The following KAZN variants were observed in gnomAD, a reference collection of about 807,000 sequenced individuals.
The protein encoded by KAZN is kazrin, periplakin interacting protein, also known as kazrin.
In KAZN, 40 loss-of-function variants were observed where a neutral mutation model predicts 87.4. That is an observed-to-expected ratio of 0.46 (90% CI 0.36 to 0.60). The LOEUF (loss-of-function observed/expected upper bound fraction) is 0.60. Ranked by LOEUF, KAZN falls within the 20% of genes least tolerant of loss-of-function variation. The pLI is 0.00. For synonymous variants in KAZN, 466 were observed against 458.3 expected, an observed-to-expected ratio of 1.02 and a Z score of -0.22; for missense variants, 898 against 1,073.9, an observed-to-expected ratio of 0.84 and a Z score of 2.29.
chr1:14,113,370 A>T (rs955976317), intron 1 of KAZN, among the ~76,000 whole-genome samples: 1 of 152,196 alleles, frequency 6.6e-6, no homozygotes, highest in African/African-American at 2.4e-5. Flanking sequence ...GTCACACCAC[A>T]TTCTCAGCTG....
intron 2 of KAZN, among the ~76,000 whole-genome samples, chr1:14,584,786 AG>A (rs1675755646): frequency 6.6e-6 from 1 of 152,144 alleles, no homozygotes; most frequent in African/African-American, 2.4e-5. Context: ...CTGGGATTAC[AG>A]GCATGCACCA....
chr1:14,014,776 G>A (rs1443058883), intron 1 of KAZN, among the ~76,000 whole-genome samples: 2 of 152,196 alleles, frequency 1.3e-5, no homozygotes, highest in Non-Finnish European at 2.9e-5. Flanking sequence ...GTGAGAAAGT[G>A]GAGCCCTGTT....
chr1:14,877,866 T>C (rs926181576), intron 1 of KAZN, among the ~76,000 whole-genome samples: 2 of 152,210 alleles, frequency 1.3e-5, no homozygotes, highest in Non-Finnish European at 2.9e-5. Context: ...ATACTTTCAT[T>C]AATTCCACAA....
At chr1:14,805,192 G>C (rs1031718119) in intron 1 of KAZN, among the ~76,000 whole-genome samples, 2 of 152,174 alleles carry the variant, frequency 1.3e-5, no homozygotes, top group African/African-American at 4.8e-5. Flanking sequence ...TTCTGTGAGA[G>C]TCCAGAGGAG....
At chr1:14,660,511 C>A (rs192148234) in intron 1 of KAZN, among the ~76,000 whole-genome samples, 45 of 120,110 alleles carry the variant, frequency 3.7e-4, no homozygotes, top group African/African-American at 1.0e-3. Flanking sequence ...TGAAAATATT[C>A]TTTATCTCTC....
chr1:14,539,737 C>T (rs544264685), intron 2 of KAZN, among the ~76,000 whole-genome samples: 11 of 151,744 alleles, frequency 7.2e-5, no homozygotes, highest in South Asian at 4.2e-4. Flanking sequence ...AAACGCCAGA[C>T]GTTTTTAGGC....
chr1:14,776,475 A>C (rs1412964133), intron 1 of KAZN, among the ~76,000 whole-genome samples: 1 of 152,220 alleles, frequency 6.6e-6, no homozygotes, highest in African/African-American at 2.4e-5. Flanking sequence ...AGCGCTCTTC[A>C]TCCAGGCTGG....
intron 8 of KAZN, among the ~76,000 whole-genome samples, chr1:15,088,148 TC>T (rs1640353316): frequency 6.6e-6 from 1 of 152,184 alleles, no homozygotes; most frequent in Admixed American, 6.5e-5. Context: ...TCTCAACGTC[TC>T]AACTCTGCCA....
chr1:14,698,713 C>T (rs1005639153), intron 1 of KAZN, among the ~76,000 whole-genome samples: 75 of 152,340 alleles, frequency 4.9e-4, no homozygotes, highest in Admixed American at 1.5e-3. Context: ...GCCTCCTCAG[C>T]GCCAGCACCA....
intron 2 of KAZN, among the ~76,000 whole-genome samples, chr1:14,236,353 T>C (rs1270922983): frequency 6.6e-6 from 1 of 152,190 alleles, no homozygotes; most frequent in Non-Finnish European, 1.5e-5. Flanking sequence ...CCCCTCTTCC[T>C]AGTCCAACAT....
At chr1:14,672,859 A>G (rs1181845470) in intron 1 of KAZN, among the ~76,000 whole-genome samples, 3 of 152,142 alleles carry the variant, frequency 2.0e-5, no homozygotes, top group Non-Finnish European at 4.4e-5. Flanking sequence ...TGGGCACAGG[A>G]TAGGGCTACC....
chr1:14,001,761 T>TA (rs1461846042), intron 1 of KAZN, among the ~76,000 whole-genome samples: 4 of 152,340 alleles, frequency 2.6e-5, no homozygotes, highest in African/African-American at 7.2e-5. Context: ...AAGGATCTCC[T>TA]ATTCAATAAA....
At chr1:14,834,170 G>A (rs573971319) in intron 1 of KAZN, among the ~76,000 whole-genome samples, 2 of 151,920 alleles carry the variant, frequency 1.3e-5, no homozygotes, top group African/African-American at 4.8e-5. Context: ...TGAGTAGCTA[G>A]GGTTGCAGTC....
intron 1 of KAZN, among the ~76,000 whole-genome samples, chr1:14,652,480 C>CACCCACCT (rs1354577997): frequency 1.4e-5 from 1 of 69,028 alleles, no homozygotes. Context: ...CCCACCCACC[C>CACCCACCT]GCCCATCCAC....
chr1:14,482,676 A>G (rs1180709814), intron 2 of KAZN, among the ~76,000 whole-genome samples: 1 of 152,088 alleles, frequency 6.6e-6, no homozygotes, highest in Non-Finnish European at 1.5e-5. Flanking sequence ...AGGGCGGGTG[A>G]GGGGTCTTTA....
intron 1 of KAZN, among the ~76,000 whole-genome samples, chr1:14,166,379 G>A (rs907130193): frequency 6.6e-6 from 1 of 152,078 alleles, no homozygotes; most frequent in Admixed American, 6.5e-5. Context: ...GCCTTAGTTG[G>A]GCAAAACTTG....
At chr1:14,686,271 G>A (rs139475010) in intron 1 of KAZN, among the ~76,000 whole-genome samples, 57 of 152,236 alleles carry the variant, frequency 3.7e-4, no homozygotes, top group African/African-American at 1.4e-3. Flanking sequence ...CACCATGTTG[G>A]CCAGGATGGT....
At chr1:13,959,167 C>A (rs75976122) in intron 1 of KAZN, among the ~76,000 whole-genome samples, 2,176 of 152,252 alleles carry the variant, frequency 0.014, 60 homozygotes, top group African/African-American at 0.049. Flanking sequence ...CAGAAGAGAC[C>A]CCAGAGAGCT....
intron 1 of KAZN, among the ~76,000 whole-genome samples, chr1:14,756,967 T>A (rs1202370962): frequency 6.6e-6 from 1 of 152,226 alleles, no homozygotes; most frequent in Non-Finnish European, 1.5e-5. Flanking sequence ...CCTTTACCTT[T>A]TAATTTGTGC....
Sources: allele counts gnomAD v4.1 joint callset (sites outside exome capture counted in the v4.1 genomes callset), GRCh38; gene constraint gnomAD v4.1.1; transcripts MANE v1.5; gene names NCBI Gene and HGNC (gene_info 2026-07-23, HGNC 2026-07-21).